ZNF808: variants seen among roughly 807,000 people sequenced by gnomAD.
The protein encoded by ZNF808 is zinc finger protein 808.
In ZNF808, 5 loss-of-function variants were observed where a neutral mutation model predicts 8.7. The ratio of observed to expected loss-of-function variants is 0.58; its 90% CI spans 0.30 to 1.21. ZNF808 has a LOEUF of 1.21. Ranked by LOEUF, ZNF808 falls within the 50% of genes most tolerant of loss-of-function variation. The probability of loss-of-function intolerance (pLI) is 0.07; values close to 1 mark genes in which losing one functional copy is unlikely to be tolerated. For missense variants in ZNF808, 1,103 were observed against 1,098.4 expected, an observed-to-expected ratio of 1.00 and a Z score of -0.06; for synonymous variants, 380 against 366.0, an observed-to-expected ratio of 1.04 and a Z score of -0.44.
At chr19:52,537,190 A>C (rs1204028518) in intron 2 of ZNF808, among the ~76,000 whole-genome samples, 2 of 151,804 alleles carry the variant, frequency 1.3e-5, no homozygotes, top group Non-Finnish European at 2.9e-5. Context: ...CTTTCTCAAA[A>C]AAAAAGCGGT....
chr19:52,547,881 A>G (rs575979648), intron 4 of ZNF808, among the ~76,000 whole-genome samples: 1 of 152,102 alleles, frequency 6.6e-6, no homozygotes, highest in African/African-American at 2.4e-5. Context: ...CTGGGATTAC[A>G]GGCATGCGCC....
At chr19:52,560,458 T>C, downstream of ZNF808, among the ~76,000 whole-genome samples, 1 of 152,184 alleles carries the variant, frequency 6.6e-6, no homozygotes, top group East Asian at 1.9e-4. Flanking sequence ...CTTCTTCACA[T>C]CCATGGTCTC....
downstream of ZNF808, among the ~76,000 whole-genome samples, chr19:52,560,487 G>A (rs1485274931): frequency 1.3e-5 from 2 of 151,920 alleles, no homozygotes; most frequent in Admixed American, 6.6e-5. Context: ...TGTACTCCTC[G>A]TAGACTTTAC....
downstream of ZNF808, among the ~76,000 whole-genome samples, chr19:52,560,969 A>C (rs146647218): frequency 0.082 from 12,451 of 151,618 alleles, 557 homozygotes; most frequent in Middle Eastern, 0.17. Flanking sequence ...CACTACTCTC[A>C]CTGAGTAAGT....
downstream of ZNF808, among the ~76,000 whole-genome samples, chr19:52,559,884 G>A (rs936443131): frequency 7.9e-5 from 12 of 152,110 alleles, no homozygotes; most frequent in African/African-American, 2.9e-4. Context: ...ACGCCACCAC[G>A]CTTGTAACGG....
At chr19:52,536,391 T>G (rs2059611707) in intron 2 of ZNF808, among the ~76,000 whole-genome samples, 1 of 152,052 alleles carries the variant, frequency 6.6e-6, no homozygotes, top group Non-Finnish European at 1.5e-5. Context: ...AGCCTCTCCG[T>G]CTTCGGCCCC....
downstream of ZNF808, among the ~76,000 whole-genome samples, chr19:52,557,418 C>T (rs982745460): frequency 1.3e-5 from 2 of 152,086 alleles, no homozygotes; most frequent in African/African-American, 4.8e-5. Context: ...AGGTGCCCTC[C>T]ACCACTCCCG....
chr19:52,530,067 C>G (rs1402821047), intron 1 of ZNF808, among the ~76,000 whole-genome samples: 2 of 151,846 alleles, frequency 1.3e-5, no homozygotes, highest in Non-Finnish European at 2.9e-5. Flanking sequence ...CATAGCCCCC[C>G]CCTTTTTTTT....
chr19:52,560,172 A>G (rs978468917), downstream of ZNF808, among the ~76,000 whole-genome samples: 3 of 152,006 alleles, frequency 2.0e-5, no homozygotes, highest in African/African-American at 7.2e-5. Context: ...CATCTCAACT[A>G]AAAATTAGCC....
chr19:52,553,199 A>C lies in ZNF808; in HGVS notation c.283A>C (p.Ser95Arg), dbSNP rs2059795024. 1 of 1,613,932 alleles carries C rather than the reference A, an allele frequency of 6.2e-7. No individual in the cohort carries two copies. Among genetic ancestry groups the C allele is most frequent in the Non-Finnish European group, 8.5e-7 (1 of 1,179,948 alleles). Residue 95 changes from serine (S) to arginine (R), a missense_variant, in exon 5 of 5, where the codon AGT becomes CGT. Coordinates refer to ENST00000359798, the MANE Select transcript of ZNF808 (RefSeq NM_001039886.4). ...IHTGTLQRHQ[S>R]YHIGDFCFQE... ...CACAGGGACATTGCAAAGACATCAA[A>C]GTTATCACATTGGAGACTTTTGCTT... is the stretch of plus-strand genomic sequence containing the variant.
downstream of ZNF808, among the ~76,000 whole-genome samples, chr19:52,567,158 G>A (rs560273833): frequency 2.6e-5 from 4 of 151,988 alleles, no homozygotes; most frequent in Admixed American, 6.6e-5. Flanking sequence ...CATCACGTTC[G>A]CAAGGCTGGT....
chr19:52,530,208 G>A (rs1695412359), intron 1 of ZNF808, among the ~76,000 whole-genome samples: 2 of 152,070 alleles, frequency 1.3e-5, no homozygotes, highest in African/African-American at 2.4e-5. Flanking sequence ...GTACAGGCAT[G>A]CACCACCATG....
At chr19:52,559,128 G>C (rs1190341214), downstream of ZNF808, among the ~76,000 whole-genome samples, 1 of 152,094 alleles carries the variant, frequency 6.6e-6, no homozygotes, top group Non-Finnish European at 1.5e-5. Context: ...GGTCTGTGCT[G>C]AGGAGGATTA....
intron 4 of ZNF808, among the ~76,000 whole-genome samples, chr19:52,550,628 T>G (rs2059767588): frequency 6.6e-6 from 1 of 151,748 alleles, no homozygotes; most frequent in Non-Finnish European, 1.5e-5. Context: ...TGGGTTCAAG[T>G]GATTGTCCTG....
chr19:52,560,798 T>A (rs2059853703), downstream of ZNF808, among the ~76,000 whole-genome samples: 1 of 152,172 alleles, frequency 6.6e-6, no homozygotes, highest in African/African-American at 2.4e-5. Flanking sequence ...ATGCACAAAG[T>A]TCACTCCTAC....
chr19:52,554,887 G>C lies in ZNF808; in HGVS notation c.1971G>C (p.Gly657=). Residue 657 remains glycine, a synonymous_variant, in exon 5 of 5, where the codon GGG becomes GGC. Transcript: ENST00000359798. ...GEKTYKCNEC[G]KTFSYKSSLV... The stretch of plus-strand genomic sequence containing the variant: ...AAACTTACAAGTGTAATGAGTGTGG[G>C]AAGACCTTCAGTTACAAGTCATCAC... 6.2e-7 allele frequency: 1 copy of C among 1,614,138 alleles called. No homozygotes were observed. The highest frequency in any genetic ancestry group is 1.3e-5 in the African/African-American group (1 of 75,036).
At chr19:52,542,918 C>T (rs1225551526) in intron 2 of ZNF808, among the ~76,000 whole-genome samples, 1 of 151,444 alleles carries the variant, frequency 6.6e-6, no homozygotes, top group Non-Finnish European at 1.5e-5. Flanking sequence ...AAGTGATTCT[C>T]CTGCCTCAGC....
chr19:52,531,161 T>C (rs1372843080), intron 1 of ZNF808, among the ~76,000 whole-genome samples: 2 of 152,130 alleles, frequency 1.3e-5, no homozygotes, highest in African/African-American at 4.8e-5. Context: ...ATCAGCTCTT[T>C]AATGTCTCCC....
chr19:52,540,022 T>C (rs607477), intron 2 of ZNF808, among the ~76,000 whole-genome samples: 50,748 of 151,642 alleles, frequency 0.33, 9,298 homozygotes, highest in East Asian at 0.52. Context: ...TGTTTAGATA[T>C]ATGTATTTAT....
Sources: gnomAD v4.1 joint callset for allele counts (sites outside exome capture counted in the v4.1 genomes callset) on GRCh38, gnomAD v4.1.1 for gene constraint, MANE v1.5 for transcripts, NCBI Gene and HGNC (gene_info 2026-07-23, HGNC 2026-07-21) for gene names.